Variants in B3GALT1 observed in about 807,000 individuals in gnomAD.
B3GALT1 encodes beta-1,3-galactosyltransferase 1.
In B3GALT1, 10 loss-of-function variants were observed where a neutral mutation model predicts 23.2. The observed-to-expected ratio is 0.43, with a 90% confidence interval of 0.27 to 0.73. The LOEUF (loss-of-function observed/expected upper bound fraction) is 0.73. B3GALT1 is among the 30% of genes least tolerant of loss of function. B3GALT1 has a pLI of 0.21. For missense variants in B3GALT1, 299 were observed against 405.4 expected, an observed-to-expected ratio of 0.74 and a Z score of 2.25; for synonymous variants, 156 against 141.5, an observed-to-expected ratio of 1.10 and a Z score of -0.73.
At chr2:167,514,219 A>G (rs1700069304) in intron 2 of B3GALT1, among the ~76,000 whole-genome samples, 1 of 152,150 alleles carries the variant, frequency 6.6e-6, no homozygotes, top group Admixed American at 6.5e-5. Flanking sequence ...ATGTGATTTA[A>G]ACTTTAAAAT....
intron 2 of B3GALT1, among the ~76,000 whole-genome samples, chr2:167,567,909 C>A (rs1017668179): frequency 6.6e-6 from 1 of 152,088 alleles, no homozygotes; most frequent in African/African-American, 2.4e-5. Context: ...TCCCCCTTAG[C>A]CCCAAGCATT....
intron 2 of B3GALT1, among the ~76,000 whole-genome samples, chr2:167,640,278 G>T (rs997579734): frequency 6.6e-6 from 1 of 152,100 alleles, no homozygotes; most frequent in African/African-American, 2.4e-5. Context: ...TGTGAGCAGT[G>T]TAACACATTG....
At chr2:167,390,768 G>T (rs895845540) in intron 1 of B3GALT1, among the ~76,000 whole-genome samples, 1 of 149,982 alleles carries the variant, frequency 6.7e-6, no homozygotes, top group Non-Finnish European at 1.5e-5. Flanking sequence ...TGTGTCTGAA[G>T]CAGGTAAAGC....
intron 2 of B3GALT1, among the ~76,000 whole-genome samples, chr2:167,636,465 C>A (rs1183455114): frequency 1.3e-5 from 2 of 152,182 alleles, no homozygotes; most frequent in African/African-American, 2.4e-5. Context: ...TACCATTTGA[C>A]CCAGCCATCC....
intron 2 of B3GALT1, among the ~76,000 whole-genome samples, chr2:167,564,220 G>C (rs867853410): frequency 1.4e-5 from 2 of 144,840 alleles, no homozygotes; most frequent in South Asian, 2.2e-4. Context: ...CTCACATCCC[G>C]GACGGGGCGG....
At chr2:167,712,315 A>G (rs1358660849) in intron 3 of B3GALT1, among the ~76,000 whole-genome samples, 1 of 152,138 alleles carries the variant, frequency 6.6e-6, no homozygotes, top group Non-Finnish European at 1.5e-5. Context: ...GTAGGTAGCC[A>G]TACCTGCCAG....
intron 4 of B3GALT1, among the ~76,000 whole-genome samples, chr2:167,865,556 C>T (rs1461687288): frequency 6.6e-6 from 1 of 152,158 alleles, no homozygotes. Flanking sequence ...TTCTGGGAGG[C>T]CGAGGCGGGC....
chr2:167,801,001 G>A (rs1428701004), intron 3 of B3GALT1, among the ~76,000 whole-genome samples: 6 of 152,218 alleles, frequency 3.9e-5, no homozygotes, highest in African/African-American at 1.4e-4. Context: ...TCCATTGAGG[G>A]TTGTTTCTAT....
chr2:167,571,061 G>C (rs1204512233), intron 2 of B3GALT1, among the ~76,000 whole-genome samples: 1 of 151,840 alleles, frequency 6.6e-6, no homozygotes, highest in Non-Finnish European at 1.5e-5. Flanking sequence ...CTGGTGAAAG[G>C]GAGATTCTAT....
At chr2:167,821,825 A>C (rs1038981873) in intron 4 of B3GALT1, among the ~76,000 whole-genome samples, 1 of 152,214 alleles carries the variant, frequency 6.6e-6, no homozygotes, top group African/African-American at 2.4e-5. Flanking sequence ...CTTTACAGGA[A>C]GTACATCTGT....
intron 3 of B3GALT1, among the ~76,000 whole-genome samples, chr2:167,809,207 A>C (rs1423240233): frequency 6.6e-6 from 1 of 152,132 alleles, no homozygotes; most frequent in African/African-American, 2.4e-5. Flanking sequence ...CAAGGTTTTT[A>C]ACTTCTTTGC....
At chr2:167,435,126 C>G (rs554923312) in intron 1 of B3GALT1, among the ~76,000 whole-genome samples, 1 of 151,966 alleles carries the variant, frequency 6.6e-6, no homozygotes, top group Admixed American at 6.6e-5. Flanking sequence ...AAGTGAATAA[C>G]TTAAAAAGGC....
At chr2:167,696,514 A>G (rs138096439) in intron 3 of B3GALT1, among the ~76,000 whole-genome samples, 1,706 of 152,228 alleles carry the variant, frequency 0.011, 14 homozygotes, top group Non-Finnish European at 0.019. Flanking sequence ...CACATTTAGC[A>G]ATCAGTTCCA....
intron 1 of B3GALT1, among the ~76,000 whole-genome samples, chr2:167,409,049 G>T (rs1032383528): frequency 1.3e-5 from 2 of 152,136 alleles, no homozygotes; most frequent in African/African-American, 2.4e-5. Flanking sequence ...AAGCACAAAA[G>T]ATCCAAAAGA....
chr2:167,626,648 T>G (rs1243835363), intron 2 of B3GALT1, among the ~76,000 whole-genome samples: 1 of 151,802 alleles, frequency 6.6e-6, no homozygotes, highest in African/African-American at 2.4e-5. Flanking sequence ...TTTGGACTGT[T>G]TGCTATCTTT....
At chr2:167,838,728 G>C (rs78213388) in intron 4 of B3GALT1, among the ~76,000 whole-genome samples, 2 of 146,438 alleles carry the variant, frequency 1.4e-5, no homozygotes, top group South Asian at 2.2e-4. Flanking sequence ...CAACCAAAAA[G>C]GAGAATTTTA....
At chr2:167,484,630 G>C (rs1699599935) in intron 1 of B3GALT1, among the ~76,000 whole-genome samples, 1 of 152,204 alleles carries the variant, frequency 6.6e-6, no homozygotes, top group Non-Finnish European at 1.5e-5. Flanking sequence ...GGAGTGTCTA[G>C]GTTAAGAAGA....
intron 1 of B3GALT1, among the ~76,000 whole-genome samples, chr2:167,437,797 G>A (rs1698811327): frequency 6.6e-6 from 1 of 152,114 alleles, no homozygotes; most frequent in Non-Finnish European, 1.5e-5. Context: ...ACTGTCTTGT[G>A]TTGCCTTTGA....
At chr2:167,317,851 G>A (rs900555328) in intron 1 of B3GALT1, among the ~76,000 whole-genome samples, 4 of 151,986 alleles carry the variant, frequency 2.6e-5, no homozygotes, top group African/African-American at 7.2e-5. Context: ...TGGAAGGTGA[G>A]TTTTCACATT....
Sources: gnomAD v4.1 joint callset for allele counts (sites outside exome capture counted in the v4.1 genomes callset) on GRCh38, gnomAD v4.1.1 for gene constraint, MANE v1.5 for transcripts, NCBI Gene and HGNC (gene_info 2026-07-23, HGNC 2026-07-21) for gene names.